Variants in NXPE4 observed in about 807,000 individuals in gnomAD.
NXPE4 encodes neurexophilin and PC-esterase domain family member 4, also known as NXPE family member 4.
In NXPE4, 42 loss-of-function variants were observed where a neutral mutation model predicts 33.3. That is an observed-to-expected ratio of 1.26 (90% CI 0.98 to 1.63). The LOEUF (loss-of-function observed/expected upper bound fraction) is 1.63, where lower values mean the gene tolerates loss of function less well. Among genes scored for constraint, NXPE4 ranks in the 40% most tolerant of loss-of-function variants. The pLI, the probability that NXPE4 is intolerant of heterozygous loss-of-function variation, is 0.00. For missense variants in NXPE4, 709 were observed against 647.6 expected (o/e 1.09, Z -1.03); for synonymous variants, 253 against 234.9 (o/e 1.08, Z -0.71).
At chr11:114,651,860 C>G in the NXPE4 span, among the ~76,000 whole-genome samples, 3 of 152,260 alleles carry the variant, frequency 2.0e-5, no homozygotes, top group Non-Finnish European at 4.4e-5. Context: ...CAAGTCCCCA[C>G]CCGACCCAGA....
chr11:114,633,365 T>C, the NXPE4 span, among the ~76,000 whole-genome samples: 7 of 140,550 alleles, frequency 5.0e-5, no homozygotes, highest in Middle Eastern at 3.7e-3. Context: ...ATATATACTA[T>C]ATAATATATT....
the NXPE4 span, among the ~76,000 whole-genome samples, chr11:114,650,125 A>G: frequency 6.6e-6 from 1 of 152,246 alleles, no homozygotes; most frequent in Non-Finnish European, 1.5e-5. Context: ...AATACATCAT[A>G]AAGCTCAAGT....
chr11:114,632,996 TATA>T, the NXPE4 span, among the ~76,000 whole-genome samples: 2,330 of 105,686 alleles, frequency 0.022, 36 homozygotes, highest in African/African-American at 0.036. Flanking sequence ...TTATATAATA[TATA>T]ATAATATATA....
At chr11:114,617,178 T>C in the NXPE4 span, among the ~76,000 whole-genome samples, 1 of 151,620 alleles carries the variant, frequency 6.6e-6, no homozygotes, top group South Asian at 2.1e-4. Context: ...ACCCAGTGGA[T>C]AATAAGTGTT....
At chr11:114,604,512 C>A in the NXPE4 span, among the ~76,000 whole-genome samples, 2 of 152,004 alleles carry the variant, frequency 1.3e-5, no homozygotes, top group Non-Finnish European at 2.9e-5. Flanking sequence ...TCTTGGGTAA[C>A]CACTGTTACC....
chr11:114,633,618 C>G, the NXPE4 span, among the ~76,000 whole-genome samples: 2 of 151,292 alleles, frequency 1.3e-5, no homozygotes, highest in East Asian at 3.9e-4. Flanking sequence ...CCCACCCTGC[C>G]CCCAGCCCAC....
At chr11:114,616,598 G>A in the NXPE4 span, among the ~76,000 whole-genome samples, 1 of 140,236 alleles carries the variant, frequency 7.1e-6, no homozygotes, top group Non-Finnish European at 1.6e-5. Context: ...TGGATAATGA[G>A]TATTGCCTCA....
At chr11:114,627,916 A>G in the NXPE4 span, among the ~76,000 whole-genome samples, 2 of 151,960 alleles carry the variant, frequency 1.3e-5, no homozygotes, top group Non-Finnish European at 1.5e-5. Flanking sequence ...ATCAAAAGAG[A>G]CAAAGAAGGC....
the NXPE4 span, among the ~76,000 whole-genome samples, chr11:114,636,461 C>T: frequency 6.6e-6 from 1 of 151,882 alleles, no homozygotes; most frequent in Admixed American, 6.6e-5. Flanking sequence ...TCTCTATTTC[C>T]TTCAGTTCTG....
Position 114,580,248 on chromosome 11 carries a change from A to T in NXPE4, c.983T>A (p.Val328Asp). Residue 328 changes from valine to aspartate, a missense_variant, in exon 5 of 6, where the codon GTC (valine) becomes GAC (aspartate). Physicochemically the swap from Val to Asp is radical, Grantham distance 152. Coordinates refer to ENST00000375478, the MANE Select transcript of NXPE4 (RefSeq NM_001077639.2). ...TTTGACTGTAGCCAAACTACAGGAG[A>T]CAGGATTCCATGTGTTTCTCCAGAC... ...GHVWRNTWNP[V>D]SCSLATVKMK... 6.2e-7 allele frequency: 1 copy of T among 1,613,968 alleles called. No individual in the cohort carries two copies. Among genetic ancestry groups the T allele is most frequent in the South Asian group, 1.1e-5 (1 of 91,078 alleles).
the NXPE4 span, among the ~76,000 whole-genome samples, chr11:114,655,178 T>C: frequency 1.1e-4 from 16 of 152,226 alleles, no homozygotes; most frequent in African/African-American, 3.4e-4. Flanking sequence ...GATTGTTTGT[T>C]TTTTCTTGTA....
the NXPE4 span, among the ~76,000 whole-genome samples, chr11:114,668,926 A>G: frequency 6.6e-6 from 1 of 152,106 alleles, no homozygotes; most frequent in Non-Finnish European, 1.5e-5. Flanking sequence ...AAATGACTGA[A>G]TTTTGATTAG....
rs1948867945 is a variant in NXPE4 at position 114,570,832 on chromosome 11, G to C, written c.*106C>G. 1.4e-6 allele frequency: 1 copy of C among 714,884 alleles called. No individual in the cohort carries two copies. The highest frequency in any genetic ancestry group is 2.1e-5 in the South Asian group (1 of 48,004). 44.3% of individuals were successfully genotyped at this position (714,884 alleles called of 1,614,324 possible). A position where few individuals can be genotyped will look rare whatever the true frequency, so the allele number is the denominator to read the frequency against. ...GGATCAGCCATAATGTAGATTCTCT[G>C]CTCTTGCTAGTTGGGAATTCAGAGC... On this transcript the variant is annotated 3_prime_UTR_variant, in exon 6 of 6. Transcript: ENST00000375478.
At chr11:114,577,598 G>A (rs1197420401) in intron 5 of NXPE4, among the ~76,000 whole-genome samples, 1 of 152,100 alleles carries the variant, frequency 6.6e-6, no homozygotes, top group South Asian at 2.1e-4. Flanking sequence ...GAAAGATTAC[G>A]TGCACGCCAC....
In NXPE4 at chr11:114,571,159, T is replaced by C. The variant is rs1270546387; in HGVS notation, c.1414A>G (p.Ile472Val). The change falls in exon 6 of 6, where the codon ATC becomes GTC. Residue 472 changes from isoleucine to valine, a missense_variant. Ile to Val is a conservative substitution (Grantham distance 29). Coordinates refer to ENST00000375478, the MANE Select transcript of NXPE4 (RefSeq NM_001077639.2). Reference protein sequence around the residue: ...LLRSPDTMVIIKTENIREMYN... With the variant: ...LLRSPDTMVIVKTENIREMYN... Reference sequence around the variant, plus strand: ...ATCTCCCTGATGTTTTCTGTTTTGATGATAACCATAGTGTCTGGGCTTCTC... The same window carrying C: ...ATCTCCCTGATGTTTTCTGTTTTGACGATAACCATAGTGTCTGGGCTTCTC... 6.2e-7 allele frequency: 1 copy of C among 1,614,030 alleles called. No homozygotes were observed. Among genetic ancestry groups the C allele is most frequent in the Admixed American group, 1.7e-5 (1 of 59,986 alleles).
chr11:114,597,070 T>C (rs567463109), upstream of NXPE4, among the ~76,000 whole-genome samples: 20 of 151,784 alleles, frequency 1.3e-4, no homozygotes, highest in African/African-American at 4.8e-4. Flanking sequence ...AAAACTATCT[T>C]GAAGTCTTTA....
chr11:114,584,912 C>A (rs1949254864), intron 2 of NXPE4, among the ~76,000 whole-genome samples: 1 of 152,094 alleles, frequency 6.6e-6, no homozygotes, highest in African/African-American at 2.4e-5. Context: ...CTCTGCAGGT[C>A]TTAACTCTGA....
the NXPE4 span, among the ~76,000 whole-genome samples, chr11:114,611,764 G>A: frequency 6.6e-6 from 1 of 150,480 alleles, no homozygotes; most frequent in East Asian, 2.0e-4. Context: ...TTGCCTCATG[G>A]GTAACCACTG....
the NXPE4 span, among the ~76,000 whole-genome samples, chr11:114,623,543 G>A: frequency 6.6e-6 from 1 of 151,978 alleles, no homozygotes; most frequent in Non-Finnish European, 1.5e-5. Context: ...CTGTTACCTG[G>A]CAGATAATAC....
Sources: allele counts gnomAD v4.1 joint callset (sites outside exome capture counted in the v4.1 genomes callset), GRCh38; gene constraint gnomAD v4.1.1; transcripts MANE v1.5; gene names NCBI Gene and HGNC (gene_info 2026-07-23, HGNC 2026-07-21).